The following COA1 variants were observed in gnomAD, a reference collection of about 807,000 sequenced individuals.
COA1 encodes cytochrome c oxidase assembly factor 1, also known as cytochrome c oxidase assembly factor 1 homolog.
A neutral mutation model predicts 16.0 loss-of-function variants in COA1; 13 were observed. The observed-to-expected ratio is 0.81, with a 90% confidence interval of 0.53 to 1.29. COA1 has a LOEUF of 1.29. Ranked by LOEUF, COA1 falls within the 50% of genes most tolerant of loss-of-function variation. COA1 has a pLI of 0.00. For missense variants in COA1, 179 were observed against 177.0 expected (o/e 1.01, Z -0.06); for synonymous variants, 65 against 65.7 (o/e 0.99, Z 0.05).
At chr7:43,673,110 A>C (rs1334247404) in intron 1 of COA1, among the ~76,000 whole-genome samples, 1 of 152,256 alleles carries the variant, frequency 6.6e-6, no homozygotes, top group Non-Finnish European at 1.5e-5. Context: ...GACACGGCAA[A>C]GATTTCATGA....
intron 1 of COA1, among the ~76,000 whole-genome samples, chr7:43,689,689 A>C (rs1462237312): frequency 1.3e-5 from 2 of 152,214 alleles, no homozygotes; most frequent in Non-Finnish European, 2.9e-5. Flanking sequence ...CAAACCTGGT[A>C]ATGTATTATG....
chr7:43,643,580 T>C (rs1409083401), intron 4 of COA1, among the ~76,000 whole-genome samples: 1 of 152,216 alleles, frequency 6.6e-6, no homozygotes, highest in African/African-American at 2.4e-5. Context: ...CTCACGTCCA[T>C]GCTGGACACT....
At chr7:43,628,366 G>C (rs1416211685) in intron 6 of COA1, among the ~76,000 whole-genome samples, 1 of 152,132 alleles carries the variant, frequency 6.6e-6, no homozygotes. Context: ...TTCTGTTCAT[G>C]GACCCCTGAG....
At chr7:43,612,142 G>A (rs971636380) in intron 6 of COA1, among the ~76,000 whole-genome samples, 1 of 152,138 alleles carries the variant, frequency 6.6e-6, no homozygotes, top group African/African-American at 2.4e-5. Flanking sequence ...CCTTGATGAC[G>A]ATGACAGGCC....
intron 1 of COA1, among the ~76,000 whole-genome samples, chr7:43,698,413 T>C (rs185829877): frequency 1.1e-4 from 17 of 152,330 alleles, no homozygotes; most frequent in Admixed American, 5.2e-4. Context: ...GACCAGCTCA[T>C]TGGTATAAAT....
At chr7:43,635,254 C>T (rs547053592), downstream of COA1, among the ~76,000 whole-genome samples, 1 of 152,150 alleles carries the variant, frequency 6.6e-6, no homozygotes, top group Non-Finnish European at 1.5e-5. Context: ...TAAGCCATGT[C>T]TTAGGTTAAA....
At chr7:43,630,724 G>GT (rs2085095005) in intron 6 of COA1, among the ~76,000 whole-genome samples, 5 of 151,900 alleles carry the variant, frequency 3.3e-5, no homozygotes. Context: ...ACATCTTTAC[G>GT]TAACTACAGG....
At chr7:43,656,820 A>AAAAAGAAAAGAAAAGAAAAG (rs141367829) in intron 1 of COA1, among the ~76,000 whole-genome samples, 32 of 151,824 alleles carry the variant, frequency 2.1e-4, no homozygotes, top group Non-Finnish European at 3.1e-4. Flanking sequence ...GCAAATATTA[A>AAAAAGAAAAGAAAAGAAAAG]AAAAGAAAAG....
intron 1 of COA1, among the ~76,000 whole-genome samples, chr7:43,669,945 G>A (rs2093154491): frequency 6.6e-6 from 1 of 152,098 alleles, no homozygotes; most frequent in African/African-American, 2.4e-5. Flanking sequence ...GAGTGAGGAA[G>A]GAAAGGAAAG....
intron 4 of COA1, among the ~76,000 whole-genome samples, chr7:43,642,463 A>T (rs1011463459): frequency 4.6e-5 from 7 of 152,172 alleles, no homozygotes; most frequent in Admixed American, 3.3e-4. Context: ...AAAAAATTTT[A>T]AAAAAGAACA....
intron 1 of COA1, among the ~76,000 whole-genome samples, chr7:43,719,890 C>T (rs1184107325): frequency 6.6e-6 from 1 of 152,076 alleles, no homozygotes; most frequent in Non-Finnish European, 1.5e-5. Flanking sequence ...TGAGATGAGA[C>T]TATAACAGAA....
chr7:43,616,675 A>G (rs181265192), intron 6 of COA1, among the ~76,000 whole-genome samples: 1 of 152,156 alleles, frequency 6.6e-6, no homozygotes, highest in East Asian at 1.9e-4. Context: ...AGACGGGCGG[A>G]TCACGAGGTC....
At chr7:43,729,100 A>C (rs1234166975) in intron 1 of COA1, among the ~76,000 whole-genome samples, 2 of 152,196 alleles carry the variant, frequency 1.3e-5, no homozygotes, top group Admixed American at 6.5e-5. Context: ...CTACCAACAA[A>C]AGTGCCCAGT....
rs551388089 is a variant in COA1, at chr7:43,677,413, T to G, written c.-38-28761A>C. On this transcript the variant is annotated intron_variant, in intron 1 of 5. Transcript: ENST00000223336. ...CAAAAAAGGAAAAATTATTATTTAG[T>G]AAGTTTTGGGATAATAAAACAGAGG... Among the ~76,000 whole-genome samples, 6 of 152,340 alleles carry G rather than the reference T, an allele frequency of 3.9e-5. 1 individual carries two copies. The Middle Eastern group carries it at 0.017, about 432-fold the overall frequency.
Position 43,693,954 on chromosome 7 carries a change from CTCT to C in COA1, c.-39+35472_-39+35474del, listed in dbSNP as rs769172953. Among the ~76,000 whole-genome samples, 12 of 152,006 alleles carry C rather than the reference CTCT, an allele frequency of 7.9e-5. No homozygotes were observed. The East Asian group carries it at 1.5e-3, about 20-fold the overall frequency. On this transcript the variant is annotated intron_variant, in intron 1 of 5. Transcript: ENST00000223336. ...CTGGTTGACTAGGTCACAACTTTTC[CTCT>C]TCTTACCTCTACAGCTCCTCTGCTT...
intron 1 of COA1, chr7:43,658,922 G>C (rs1265510357): frequency 1.3e-5 from 2 of 152,564 alleles, no homozygotes; most frequent in African/African-American, 4.8e-5. Context: ...CCAGGCAAGA[G>C]GGCAGGGTCT....
At chr7:43,670,172 G>A (rs2093167909) in intron 1 of COA1, among the ~76,000 whole-genome samples, 1 of 152,188 alleles carries the variant, frequency 6.6e-6, no homozygotes, top group Non-Finnish European at 1.5e-5. Context: ...ATTCAGGCCA[G>A]GCACAGTGGT....
At chr7:43,629,783 G>A (rs1314389911) in intron 6 of COA1, among the ~76,000 whole-genome samples, 1 of 152,176 alleles carries the variant, frequency 6.6e-6, no homozygotes, top group East Asian at 1.9e-4. Context: ...TTGCCCAAGA[G>A]CTCACAGCTG....
intron 1 of COA1, among the ~76,000 whole-genome samples, chr7:43,669,101 A>C (rs1483023981): frequency 6.6e-6 from 1 of 152,190 alleles, no homozygotes; most frequent in Admixed American, 6.5e-5. Flanking sequence ...CCCCAGGAGA[A>C]GCCCTAGCTG....
Sources: allele counts gnomAD v4.1 joint callset (sites outside exome capture counted in the v4.1 genomes callset), GRCh38; gene constraint gnomAD v4.1.1; transcripts MANE v1.5; gene names NCBI Gene and HGNC (gene_info 2026-07-23, HGNC 2026-07-21).